The following LGSN variants were observed in gnomAD, a reference collection of about 807,000 sequenced individuals.
LGSN encodes lengsin.
LGSN carries 21 observed loss-of-function variants against 19.5 expected under a neutral mutation model. That is an observed-to-expected ratio of 1.07 (90% confidence interval 0.76 to 1.55). The LOEUF (loss-of-function observed/expected upper bound fraction) is 1.55, where lower values mean the gene tolerates loss of function less well. LGSN is among the 40% of genes most tolerant of loss of function. The pLI is 0.00. For synonymous variants in LGSN, 257 were observed against 215.6 expected (o/e 1.19, Z -1.68); for missense variants, 673 against 608.5 (o/e 1.11, Z -1.12).
the LGSN span, chr6:63,548,719 T>C: frequency 1.6e-6 from 1 of 641,342 alleles, no homozygotes; most frequent in East Asian, 2.6e-5. Flanking sequence ...TAACCCAGCT[T>C]AGTTGCAAGT....
At chr6:63,336,878 G>A in the LGSN span, among the ~76,000 whole-genome samples, 2 of 151,452 alleles carry the variant, frequency 1.3e-5, no homozygotes, top group Admixed American at 1.3e-4. Context: ...GGGATTGCAG[G>A]CGTGAACCAC....
the LGSN span, among the ~76,000 whole-genome samples, chr6:63,432,437 A>AT: frequency 6.6e-6 from 1 of 152,002 alleles, no homozygotes; most frequent in Non-Finnish European, 1.5e-5. Context: ...CATGCCTGTA[A>AT]TCCCAGCACT....
At chr6:63,506,199 T>G in the LGSN span, among the ~76,000 whole-genome samples, 1 of 152,216 alleles carries the variant, frequency 6.6e-6, no homozygotes, top group Admixed American at 6.5e-5. Flanking sequence ...GATTACATAT[T>G]GATTTTTCTC....
the LGSN span, among the ~76,000 whole-genome samples, chr6:63,380,623 G>C: frequency 6.6e-6 from 1 of 151,876 alleles, no homozygotes; most frequent in Non-Finnish European, 1.5e-5. Context: ...TTATTGCCAT[G>C]TTGCAGGTTA....
At chr6:63,282,817 G>A (rs1430728280) in intron 3 of LGSN, among the ~76,000 whole-genome samples, 3 of 151,684 alleles carry the variant, frequency 2.0e-5, no homozygotes, top group Non-Finnish European at 4.4e-5. Flanking sequence ...ACACACACAC[G>A]CTTACTGTGG....
chr6:63,472,928 G>A, the LGSN span, among the ~76,000 whole-genome samples: 1,344 of 151,610 alleles, frequency 8.9e-3, 23 homozygotes, highest in African/African-American at 0.031. Flanking sequence ...GCAACAGAGC[G>A]AGACTCTGTC....
intron 1 of LGSN, among the ~76,000 whole-genome samples, chr6:63,301,352 T>C (rs999990594): frequency 3.6e-4 from 55 of 152,058 alleles, no homozygotes; most frequent in African/African-American, 1.3e-3. Context: ...AAAAGCAAGA[T>C]TGTTTTTGAT....
the LGSN span, among the ~76,000 whole-genome samples, chr6:63,325,193 C>G: frequency 7.1e-6 from 1 of 141,346 alleles, no homozygotes; most frequent in African/African-American, 2.6e-5. Context: ...ACAAAACAAA[C>G]AAACAAAAAG....
At chr6:63,297,558 T>A (rs1188707717) in intron 1 of LGSN, among the ~76,000 whole-genome samples, 1 of 152,124 alleles carries the variant, frequency 6.6e-6, no homozygotes, top group Non-Finnish European at 1.5e-5. Context: ...GATCCTTCAT[T>A]TATCCCACCT....
the LGSN span, among the ~76,000 whole-genome samples, chr6:63,337,730 G>C: frequency 6.7e-6 from 1 of 149,530 alleles, no homozygotes; most frequent in East Asian, 2.0e-4. Context: ...CTTGAGCCCA[G>C]GAAGTTGAGC....
the LGSN span, among the ~76,000 whole-genome samples, chr6:63,439,128 C>G: frequency 6.6e-6 from 1 of 152,016 alleles, no homozygotes; most frequent in Non-Finnish European, 1.5e-5. Flanking sequence ...ACCGCATATT[C>G]TCACTCATAG....
At chr6:63,332,551 T>C in the LGSN span, among the ~76,000 whole-genome samples, 449 of 152,176 alleles carry the variant, frequency 3.0e-3, 3 homozygotes, top group African/African-American at 0.01. Context: ...TCTAGGCAAA[T>C]CAACGGTCCC....
At chr6:63,572,042 C>G in the LGSN span, 2 of 152,276 alleles carry the variant, frequency 1.3e-5, no homozygotes, top group Non-Finnish European at 2.9e-5. Context: ...CAGTAGAAAG[C>G]AGGCTCGACA....
At chr6:63,340,070 C>G in the LGSN span, among the ~76,000 whole-genome samples, 5 of 150,914 alleles carry the variant, frequency 3.3e-5, no homozygotes, top group Non-Finnish European at 5.9e-5. Flanking sequence ...GTTTTTTTTT[C>G]TTTCAGCACT....
the LGSN span, among the ~76,000 whole-genome samples, chr6:63,432,175 G>A: frequency 0.13 from 2,152 of 16,492 alleles, 116 homozygotes; most frequent in East Asian, 0.21. Flanking sequence ...GAAAGAAAAG[G>A]AAAGAAAGAA....
chr6:63,425,206 GAC>G, the LGSN span, among the ~76,000 whole-genome samples: 1 of 152,208 alleles, frequency 6.6e-6, no homozygotes, highest in Admixed American at 6.6e-5. Context: ...GAAGCAGTTT[GAC>G]AGTTTCTTAA....
the LGSN span, among the ~76,000 whole-genome samples, chr6:63,502,638 T>G: frequency 1.3e-5 from 2 of 152,368 alleles, no homozygotes; most frequent in South Asian, 4.1e-4. Flanking sequence ...TTAATATGAT[T>G]TATCAAGATA....
the LGSN span, among the ~76,000 whole-genome samples, chr6:63,480,884 G>A: frequency 2.1e-5 from 3 of 143,994 alleles, no homozygotes; most frequent in African/African-American, 7.8e-5. Context: ...ATTCACAGCT[G>A]CAAAGATGTG....
At chr6:63,522,019 C>A in the LGSN span, among the ~76,000 whole-genome samples, 1 of 152,216 alleles carries the variant, frequency 6.6e-6, no homozygotes, top group Non-Finnish European at 1.5e-5. Context: ...CCCAAGTAAT[C>A]TGTCTCCCTC....
Sources: gnomAD v4.1 joint callset for allele counts (sites outside exome capture counted in the v4.1 genomes callset) on GRCh38, gnomAD v4.1.1 for gene constraint, MANE v1.5 for transcripts, NCBI Gene and HGNC (gene_info 2026-07-23, HGNC 2026-07-21) for gene names.